The following KCNIP1 variants were observed in gnomAD, a reference collection of about 807,000 sequenced individuals.
KCNIP1 encodes potassium voltage-gated channel interacting protein 1, also known as A-type potassium channel modulatory protein KCNIP1.
KCNIP1 carries 18 observed loss-of-function variants against 33.0 expected under a neutral mutation model. The ratio of observed to expected loss-of-function variants is 0.55; its 90% CI spans 0.38 to 0.81. KCNIP1 has a LOEUF of 0.81. Among genes scored for constraint, KCNIP1 ranks in the 30% least tolerant of loss-of-function variants. KCNIP1 has a pLI of 0.00. For missense variants in KCNIP1, 238 were observed against 271.6 expected, an observed-to-expected ratio of 0.88 and a Z score of 0.87; for synonymous variants, 93 against 98.3, an observed-to-expected ratio of 0.95 and a Z score of 0.32.
chr5:170,736,554 A>G lies in KCNIP1; in HGVS notation c.*748A>G, dbSNP rs1404289656. The G allele has an allele frequency of 5.3e-5, 8 of 152,212 alleles. No homozygotes were observed. In the East Asian group the frequency reaches 1.5e-3, roughly 29 times the overall value. 9.4% of individuals were successfully genotyped at this position (152,212 alleles called of 1,614,324 possible). A position where few individuals can be genotyped will look rare whatever the true frequency, so the allele number is the denominator to read the frequency against. On this transcript the variant is annotated 3_prime_UTR_variant, in exon 8 of 8. Coordinates refer to ENST00000328939, the MANE Select transcript of KCNIP1 (RefSeq NM_014592.4). The stretch of plus-strand genomic sequence containing the variant: ...CCCAGCGCTGCATGTCCCTCCCAAG[A>G]AGTCCAGAATGCCTGCAAATTGCTG...
chr5:170,517,253 A>G (rs926416431), intron 1 of KCNIP1, among the ~76,000 whole-genome samples: 1 of 152,262 alleles, frequency 6.6e-6, no homozygotes, highest in Admixed American at 6.5e-5. Context: ...TGTGCTACAT[A>G]CTTTTAAACA....
rs116326390 is a variant in KCNIP1 at position 170,546,488 on chromosome 5, G to A, written c.61+41855G>A. ...CCAGCCCTGCACAACTGCCAAAAGT[G>A]CTGCTTGGTTTCTGCTTTCTCCAGT... On this transcript the variant is annotated intron_variant, in intron 1 of 7. Coordinates refer to ENST00000328939, the MANE Select transcript of KCNIP1 (RefSeq NM_014592.4). Among the ~76,000 whole-genome samples the A allele has an allele frequency of 7.4e-3, 1,126 of 152,286 alleles. 18 individuals carry two copies. Among genetic ancestry groups the A allele is most frequent in the African/African-American group, 0.026 (1,064 of 41,532 alleles).
At chr5:170,700,414 T>C (rs1269477345) in intron 1 of KCNIP1, among the ~76,000 whole-genome samples, 3 of 152,012 alleles carry the variant, frequency 2.0e-5, no homozygotes, top group African/African-American at 4.8e-5. Context: ...AAATAAAAAA[T>C]AAAAATTAGC....
At chr5:170,525,196 G>A (rs1207609735) in intron 1 of KCNIP1, among the ~76,000 whole-genome samples, 1 of 152,230 alleles carries the variant, frequency 6.6e-6, no homozygotes. Flanking sequence ...CCGTAGGTGA[G>A]ACCTTGTCTC....
chr5:170,631,028 G>A (rs552218635), intron 1 of KCNIP1, among the ~76,000 whole-genome samples: 3 of 152,250 alleles, frequency 2.0e-5, no homozygotes, highest in Admixed American at 6.5e-5. Context: ...AGTACAGATT[G>A]TCAATGACTC....
intron 1 of KCNIP1, among the ~76,000 whole-genome samples, chr5:170,493,522 T>A (rs1323628662): frequency 6.6e-6 from 1 of 152,172 alleles, no homozygotes; most frequent in East Asian, 1.9e-4. Flanking sequence ...CCATGGTGGC[T>A]GGACCTGCTT....
intron 1 of KCNIP1, among the ~76,000 whole-genome samples, chr5:170,522,017 G>T (rs1755380641): frequency 6.6e-6 from 1 of 152,184 alleles, no homozygotes; most frequent in Non-Finnish European, 1.5e-5. Context: ...TCTAGTCTTG[G>T]AGAAGCACAT....
At chr5:170,570,379 A>G (rs1349478276) in intron 1 of KCNIP1, among the ~76,000 whole-genome samples, 3 of 152,160 alleles carry the variant, frequency 2.0e-5, no homozygotes, top group African/African-American at 7.2e-5. Flanking sequence ...TGATCTGTCC[A>G]TGCCTGTCTC....
At chr5:170,574,227 T>C (rs1056779505) in intron 1 of KCNIP1, among the ~76,000 whole-genome samples, 3 of 152,232 alleles carry the variant, frequency 2.0e-5, no homozygotes, top group Admixed American at 6.5e-5. Flanking sequence ...AGAAACCAAT[T>C]TGACCAGAAG....
intron 1 of KCNIP1, among the ~76,000 whole-genome samples, chr5:170,673,526 CTAGTGAATA>C (rs1242817367): frequency 6.6e-6 from 1 of 152,200 alleles, no homozygotes; most frequent in Non-Finnish European, 1.5e-5. Flanking sequence ...AGGCACAGGG[CTAGTGAATA>C]ACCACTCTGG....
At position 170,448,755 on chromosome 5, in the gene KCNIP1, T is replaced by G. The variant is rs541243960; in HGVS notation, c.88+94791T>G. The stretch of plus-strand genomic sequence containing the variant: ...TGGTTGTAGTGAATAAAGCCATACT[T>G]TTCAGTGATTTATAACTGTTCAAAA... On this transcript the variant is annotated intron_variant, in intron 1 of 7. Coordinates refer to the KCNIP1 transcript ENST00000377360. Among the ~76,000 whole-genome samples the G allele has an allele frequency of 4.6e-5, 7 of 152,328 alleles. No individual in the cohort carries two copies. The East Asian group carries it at 1.2e-3, about 25-fold the overall frequency.
intron 1 of KCNIP1, among the ~76,000 whole-genome samples, chr5:170,701,311 G>A (rs920578446): frequency 6.6e-6 from 1 of 152,144 alleles, no homozygotes; most frequent in Non-Finnish European, 1.5e-5. Flanking sequence ...TCCAACTTAA[G>A]CTTTATGGTA....
rs572601144 is a variant in KCNIP1 at position 170,670,203 on chromosome 5, T to C, written c.62-48555T>C. On this transcript the variant is annotated intron_variant, in intron 1 of 7. Transcript: ENST00000328939. ...AGACCGTCCTCTAATATTTTCTTAG[T>C]GAATATTTGTTGGATGAATGCATGG... 5.6e-4 allele frequency among the ~76,000 whole-genome samples: 85 copies of C among 152,234 alleles called. 1 individual carries two copies. The highest frequency in any genetic ancestry group is 2.0e-3 in the African/African-American group (82 of 41,540).
chr5:170,539,803 G>A (rs1477897887), intron 1 of KCNIP1, among the ~76,000 whole-genome samples: 4 of 152,164 alleles, frequency 2.6e-5, no homozygotes, highest in African/African-American at 4.8e-5. Context: ...CCTGGGGGAA[G>A]TGAGGGGCTG....
At chr5:170,510,747 A>G (rs1561659335) in intron 1 of KCNIP1, among the ~76,000 whole-genome samples, 1 of 152,146 alleles carries the variant, frequency 6.6e-6, no homozygotes, top group Non-Finnish European at 1.5e-5. Flanking sequence ...TAAAAGCCTC[A>G]TTGGTGCGGT....
intron 1 of KCNIP1, chr5:170,377,492 C>T (rs997987561): frequency 1.3e-5 from 2 of 152,200 alleles, no homozygotes; most frequent in African/African-American, 4.8e-5. Context: ...AGGCTCAGTG[C>T]CAGAGTCCAT....
chr5:170,560,748 T>C (rs908256554), intron 1 of KCNIP1, among the ~76,000 whole-genome samples: 3 of 152,158 alleles, frequency 2.0e-5, no homozygotes, highest in Non-Finnish European at 4.4e-5. Flanking sequence ...TGTGTCTCTT[T>C]CTGTCTCCTC....
intron 1 of KCNIP1, among the ~76,000 whole-genome samples, chr5:170,517,564 TGG>T (rs1755175014): frequency 1.5e-5 from 1 of 67,950 alleles, no homozygotes; most frequent in Non-Finnish European, 3.5e-5. Flanking sequence ...ATTATAAGGG[TGG>T]TGGTGGTGGT....
chr5:170,600,261 A>G (rs1480470745), intron 1 of KCNIP1, among the ~76,000 whole-genome samples: 1 of 152,138 alleles, frequency 6.6e-6, no homozygotes, highest in Non-Finnish European at 1.5e-5. Flanking sequence ...CCTCACCTTA[A>G]GTTTCTCACC....
Sources: gnomAD v4.1 joint callset for allele counts (sites outside exome capture counted in the v4.1 genomes callset) on GRCh38, gnomAD v4.1.1 for gene constraint, MANE v1.5 for transcripts, NCBI Gene and HGNC (gene_info 2026-07-23, HGNC 2026-07-21) for gene names.